Variants in TPD52L1 observed in about 807,000 individuals in gnomAD.
TPD52L1 encodes TPD52 like 1.
TPD52L1 carries 18 observed loss-of-function variants against 28.7 expected under a neutral mutation model. The observed-to-expected ratio is 0.63, with a 90% CI of 0.43 to 0.93. The LOEUF (loss-of-function observed/expected upper bound fraction) is 0.93. TPD52L1 is among the 40% of genes least tolerant of loss of function. The pLI is 0.00. For missense variants in TPD52L1, 203 were observed against 254.8 expected, an observed-to-expected ratio of 0.80 and a Z score of 1.39; for synonymous variants, 75 against 88.8, an observed-to-expected ratio of 0.84 and a Z score of 0.88.
intron 3 of TPD52L1, among the ~76,000 whole-genome samples, chr6:125,235,811 CAGA>C (rs1182390581): frequency 6.6e-6 from 1 of 152,096 alleles, no homozygotes; most frequent in East Asian, 1.9e-4. Flanking sequence ...GAGGCTAAGG[CAGA>C]AGGATTGCCA....
intron 1 of TPD52L1, among the ~76,000 whole-genome samples, chr6:125,160,127 A>G (rs140653755): frequency 2.7e-3 from 405 of 152,178 alleles, no homozygotes; most frequent in African/African-American, 9.1e-3. Flanking sequence ...TTCTTTACAA[A>G]TTTCCTAGTC....
chr6:125,255,736 CTT>C (rs3839548), intron 5 of TPD52L1, among the ~76,000 whole-genome samples: 12 of 146,116 alleles, frequency 8.2e-5, no homozygotes, highest in South Asian at 2.2e-4. Context: ...TCTTATTTTA[CTT>C]TTTTTTTTTT....
intron 5 of TPD52L1, 45 bp downstream of exon 5, chr6:125,253,800 T>C: frequency 6.6e-7 from 1 of 1,516,532 alleles, no homozygotes; most frequent in Non-Finnish European, 9.2e-7. Flanking sequence ...ATGAAATGTG[T>C]TTAAGGTGTT....
rs764562573 is a variant in TPD52L1, at chr6:125,239,035, T to C, written c.285-9247T>C. ...GATTGAATAGTAGTTATGCTTCTAG[T>C]TCTTTAAGGACTCTTCATACTGTTT... On this transcript the variant is annotated intron_variant, in intron 3 of 6. Coordinates refer to ENST00000534000, the MANE Select transcript of TPD52L1 (RefSeq NM_003287.4). Among the ~76,000 whole-genome samples, 72 of 152,244 alleles carry C rather than the reference T, an allele frequency of 4.7e-4. 1 individual carries two copies. The highest frequency in any genetic ancestry group is 9.3e-4 in the Non-Finnish European group (63 of 68,052).
chr6:125,248,130 T>A, intron 3 of TPD52L1, 152 bp from the exon 4 acceptor site: 1 of 650,190 alleles, frequency 1.5e-6, no homozygotes. Flanking sequence ...CAACCCATCA[T>A]CCCCAGACAA....
intron 1 of TPD52L1, among the ~76,000 whole-genome samples, chr6:125,176,143 C>T (rs1333653261): frequency 6.7e-6 from 1 of 149,048 alleles, no homozygotes; most frequent in Non-Finnish European, 1.5e-5. Flanking sequence ...TTATTTTAAC[C>T]TGGCAAATCA....
At chr6:125,251,981 A>T in intron 4 of TPD52L1, 3 of 1,535,598 alleles carry the variant, frequency 2.0e-6, no homozygotes, top group South Asian at 2.4e-5. Context: ...CTGTTTGCTA[A>T]CTCTGCTCCT....
At chr6:125,226,251 T>C (rs1309012227) in intron 2 of TPD52L1, among the ~76,000 whole-genome samples, 1 of 152,222 alleles carries the variant, frequency 6.6e-6, no homozygotes, top group Admixed American at 6.5e-5. Context: ...CCAACTTAAA[T>C]AGCTGACTTC....
intron 1 of TPD52L1, among the ~76,000 whole-genome samples, chr6:125,176,157 C>G (rs1272969078): frequency 6.6e-6 from 1 of 151,128 alleles, no homozygotes; most frequent in African/African-American, 2.4e-5. Flanking sequence ...CAAATCAAAG[C>G]CTCATTTATA....
At chr6:125,241,893 A>T in intron 3 of TPD52L1, among the ~76,000 whole-genome samples, 1 of 142,320 alleles carries the variant, frequency 7.0e-6, no homozygotes. Context: ...CTGTTTCTCT[A>T]GTTCCTTGAG....
chr6:125,193,871 T>G (rs1249010109), intron 1 of TPD52L1, among the ~76,000 whole-genome samples: 1 of 152,144 alleles, frequency 6.6e-6, no homozygotes, highest in Non-Finnish European at 1.5e-5. Flanking sequence ...TTGGTGGTCA[T>G]GAAGCCCTGG....
At chr6:125,207,257 T>G (rs572652347) in intron 1 of TPD52L1, among the ~76,000 whole-genome samples, 2 of 152,314 alleles carry the variant, frequency 1.3e-5, no homozygotes, top group East Asian at 3.9e-4. Flanking sequence ...TCCTGTCAAA[T>G]TTCTGCATGA....
At chr6:125,246,027 C>T (rs973274894) in intron 3 of TPD52L1, among the ~76,000 whole-genome samples, 10 of 152,224 alleles carry the variant, frequency 6.6e-5, no homozygotes, top group African/African-American at 2.2e-4. Flanking sequence ...TGACCCCTCC[C>T]TAATTCCACT....
chr6:125,201,421 T>C (rs1289322944), intron 1 of TPD52L1, among the ~76,000 whole-genome samples: 1 of 152,228 alleles, frequency 6.6e-6, no homozygotes, highest in East Asian at 1.9e-4. Flanking sequence ...ACTGGTGCCC[T>C]ACTGATGGAC....
intron 3 of TPD52L1, among the ~76,000 whole-genome samples, chr6:125,239,838 A>G (rs1796508534): frequency 6.6e-6 from 1 of 152,068 alleles, no homozygotes; most frequent in South Asian, 2.1e-4. Context: ...TAGTTTAATT[A>G]GGTCCCATAT....
At chr6:125,203,711 G>A in intron 1 of TPD52L1, 8 of 985,406 alleles carry the variant, frequency 8.1e-6, no homozygotes, top group Non-Finnish European at 9.6e-6. Flanking sequence ...CTCACTCTTT[G>A]GTTGAGAATC....
At chr6:125,235,101 CAATAATAAT>C (rs147249181) in intron 3 of TPD52L1, among the ~76,000 whole-genome samples, 28 of 142,548 alleles carry the variant, frequency 2.0e-4, no homozygotes, top group Middle Eastern at 3.6e-3. Flanking sequence ...CTACAAATAA[CAATAATAAT>C]AATAATAATA....
In TPD52L1 at chr6:125,264,386, C is replaced by T. The variant is rs1683690708; in HGVS notation, c.*1424C>T. On this transcript the variant is annotated 3_prime_UTR_variant, in exon 7 of 7. Transcript: ENST00000534000. ...ATATATGACATTTTGAAGTAAAGCACATCTGAAAAATTCTACTCAAATTAA... is the reference window on the plus strand; with the variant it reads ...ATATATGACATTTTGAAGTAAAGCATATCTGAAAAATTCTACTCAAATTAA... The T allele has an allele frequency of 6.6e-6, 1 of 152,158 alleles. No homozygotes were observed. Among genetic ancestry groups the T allele is most frequent in the African/African-American group, 2.4e-5 (1 of 41,430 alleles). 9.4% of individuals were successfully genotyped at this position (152,158 alleles called of 1,614,324 possible). A position where few individuals can be genotyped will look rare whatever the true frequency, so the allele number is the denominator to read the frequency against.
chr6:125,205,109 C>G (rs1358271606), intron 1 of TPD52L1, among the ~76,000 whole-genome samples: 1 of 152,186 alleles, frequency 6.6e-6, no homozygotes, highest in East Asian at 1.9e-4. Flanking sequence ...ATTTGGTCTA[C>G]TAGTCAAACC....
Sources: allele counts gnomAD v4.1 joint callset (sites outside exome capture counted in the v4.1 genomes callset), GRCh38; gene constraint gnomAD v4.1.1; transcripts MANE v1.5; gene names NCBI Gene and HGNC (gene_info 2026-07-23, HGNC 2026-07-21).